The following FAM76B variants were observed in gnomAD, a reference collection of about 807,000 sequenced individuals.
The protein encoded by FAM76B is protein FAM76B.
In FAM76B, 16 loss-of-function variants were observed where a neutral mutation model predicts 51.8. The ratio of observed to expected loss-of-function variants is 0.31; its 90% CI spans 0.21 to 0.47. The LOEUF (loss-of-function observed/expected upper bound fraction) is 0.47, where lower values mean the gene tolerates loss of function less well. Among genes scored for constraint, FAM76B ranks in the 20% least tolerant of loss-of-function variants. FAM76B has a pLI of 1.00. For synonymous variants in FAM76B, 166 were observed against 129.5 expected, an observed-to-expected ratio of 1.28 and a Z score of -1.91; for missense variants, 342 against 392.6, an observed-to-expected ratio of 0.87 and a Z score of 1.09.
rs1469154848 is a variant in FAM76B at position 95,771,485 on chromosome 11, C to G, written c.*76G>C. ...TGTGCAAAAATATTTTTCTACTACACAGAATTTAAGGGCTTCACAGAATTT... is the reference window on the plus strand; with the variant it reads ...TGTGCAAAAATATTTTTCTACTACAGAGAATTTAAGGGCTTCACAGAATTT... On this transcript the variant is annotated 3_prime_UTR_variant, in exon 10 of 10. Transcript: ENST00000358780. The G allele has an allele frequency of 9.4e-6, 11 of 1,176,230 alleles. No individual in the cohort carries two copies. Among genetic ancestry groups the G allele is most frequent in the African/African-American group, 3.1e-5 (2 of 64,552 alleles). 72.9% of individuals were successfully genotyped at this position (1,176,230 alleles called of 1,614,324 possible). A position where few individuals can be genotyped will look rare whatever the true frequency, so the allele number is the denominator to read the frequency against.
At chr11:95,787,738 T>C (rs1860680147) in intron 2 of FAM76B, 60 bp from the exon 3 acceptor site, 4 of 1,373,542 alleles carry the variant, frequency 2.9e-6, no homozygotes, top group East Asian at 2.4e-5. Flanking sequence ...ATTAGCACAA[T>C]GTCAAAATAA....
intron 5 of FAM76B, among the ~76,000 whole-genome samples, chr11:95,780,739 A>C (rs1860223258): frequency 6.6e-6 from 1 of 151,992 alleles, no homozygotes; most frequent in Non-Finnish European, 1.5e-5. Flanking sequence ...CTGAGCTGTG[A>C]CCTTATGCAA....
chr11:95,777,833 C>T (rs749273913), intron 8 of FAM76B, among the ~76,000 whole-genome samples: 4 of 151,220 alleles, frequency 2.6e-5, no homozygotes, highest in Admixed American at 6.6e-5. Context: ...CATATTAAGG[C>T]CTTATTCTTT....
In FAM76B at chr11:95,769,860, A is replaced by G. The variant is rs974803946; in HGVS notation, c.*1701T>C. The G allele has an allele frequency of 2.0e-5, 3 of 151,512 alleles. No homozygotes were observed. The highest frequency in any genetic ancestry group is 7.3e-5 in the African/African-American group (3 of 41,374). 9.4% of individuals were successfully genotyped at this position (151,512 alleles called of 1,614,324 possible). The stretch of plus-strand genomic sequence containing the variant: ...AATCTTTTTGTATCACTTGAAAATT[A>G]CCCTATATTATGCTTTCAAAATGGA... On this transcript the variant is annotated 3_prime_UTR_variant, in exon 10 of 10. Transcript: ENST00000358780.
intron 9 of FAM76B, 110 bp from the exon 10 acceptor site, chr11:95,771,760 A>C (rs1216652012): frequency 3.8e-6 from 3 of 789,138 alleles, no homozygotes; most frequent in Non-Finnish European, 5.9e-6. Flanking sequence ...TGTTTCACTA[A>C]AGCACTAACA....
At chr11:95,779,791 G>T in intron 6 of FAM76B, 88 bp downstream of exon 6, 1 of 1,549,260 alleles carries the variant, frequency 6.5e-7, no homozygotes, top group Non-Finnish European at 8.8e-7. Context: ...TACTGATTTT[G>T]GTAAGACTTA....
chr11:95,789,442 T>C lies in FAM76B; in HGVS notation c.37A>G (p.Thr13Ala). The change falls in exon 1 of 10, where the codon ACC becomes GCC. Residue 13 changes from threonine (T) to alanine (A), a missense_variant. Around this residue, in one of 3 missense-constraint regions of FAM76B, gnomAD observed 96 missense variants for 94.7 expected, o/e 1.01. Transcript: ENST00000358780. The part of the protein sequence containing the change: ...ASALYACTKC[T>A]QRYPFEELSQ... Reference sequence around the variant, plus strand: ...AGCTCCTCGAAAGGATAACGCTGGGTACACTTGGTGCAGGCGTACAGGGCC... The same window carrying C: ...AGCTCCTCGAAAGGATAACGCTGGGCACACTTGGTGCAGGCGTACAGGGCC... The C allele has an allele frequency of 6.2e-7, 1 of 1,609,680 alleles. No individual in the cohort carries two copies. Among genetic ancestry groups the C allele is most frequent in the Non-Finnish European group, 8.5e-7 (1 of 1,178,238 alleles).
intron 2 of FAM76B, 108 bp downstream of exon 2, chr11:95,788,391 A>C: frequency 1.1e-6 from 1 of 943,908 alleles, no homozygotes. Context: ...TTCTGGGGCT[A>C]AACCATTTTT....
chr11:95,781,798 T>C (rs2120251245), intron 5 of FAM76B, among the ~76,000 whole-genome samples: 1 of 152,250 alleles, frequency 6.6e-6, no homozygotes, highest in South Asian at 2.1e-4. Context: ...CACTGCATTG[T>C]AGTCTACCAC....
intron 3 of FAM76B, chr11:95,786,610 G>T: frequency 5.7e-6 from 1 of 175,066 alleles, no homozygotes; most frequent in Non-Finnish European, 1.2e-5. Flanking sequence ...CATGAATCAA[G>T]AATTTGAGGA....
Position 95,786,269 on chromosome 11 carries a change from C to T in FAM76B, c.213G>A (p.Lys71=), listed in dbSNP as rs1860579354. The T allele has an allele frequency of 3.1e-6, 5 of 1,613,726 alleles. No individual in the cohort carries two copies. The highest frequency in any genetic ancestry group is 1.3e-5 in the African/African-American group (1 of 75,012). ...CAATTATGTTACAGTACTGACAAGG[C>T]TTGGGCTGAAAAACATACACATTTT... is the stretch of plus-strand genomic sequence containing the variant. ...AQNVKQFGTP[K]PCQYCNIIAA... Residue 71 remains lysine, a synonymous_variant, in exon 4 of 10, where the codon AAG becomes AAA. Transcript: ENST00000358780.
chr11:95,787,600 C>T, intron 3 of FAM76B, 24 bp downstream of exon 3: 1 of 1,602,852 alleles, frequency 6.2e-7, no homozygotes, highest in Non-Finnish European at 8.5e-7. Flanking sequence ...GTAACAATGA[C>T]ATGAAAACAT....
At chr11:95,779,820 A>G (rs889904201) in intron 6 of FAM76B, 59 bp downstream of exon 6, 2 of 1,564,516 alleles carry the variant, frequency 1.3e-6, no homozygotes, top group Non-Finnish European at 1.7e-6. Context: ...AGTTGAAGGG[A>G]TATCACATTT....
In FAM76B at chr11:95,770,128, T is replaced by A. The variant is rs945247285; in HGVS notation, c.*1433A>T. 6.6e-6 allele frequency: 1 copy of A among 151,550 alleles called. No homozygotes were observed. Among genetic ancestry groups the A allele is most frequent in the Non-Finnish European group, 1.5e-5 (1 of 67,594 alleles). 9.4% of individuals were successfully genotyped at this position (151,550 alleles called of 1,614,324 possible). On this transcript the variant is annotated 3_prime_UTR_variant, in exon 10 of 10. Coordinates refer to ENST00000358780, the MANE Select transcript of FAM76B (RefSeq NM_144664.5). ...AAGAGAAGCAACTCACTCTATACAG[T>A]GTATCTAGCAATACTTTAAAATCAA...
intron 9 of FAM76B, among the ~76,000 whole-genome samples, chr11:95,775,159 G>A (rs1311131343): frequency 1.3e-5 from 2 of 151,438 alleles, no homozygotes; most frequent in Non-Finnish European, 3.0e-5. Context: ...TTTTACAAAT[G>A]TGAGACTGTA....
intron 3 of FAM76B, 31 bp downstream of exon 3, chr11:95,787,593 A>G: frequency 6.3e-7 from 1 of 1,597,782 alleles, no homozygotes; most frequent in Non-Finnish European, 8.6e-7. Flanking sequence ...TTAACTGGTA[A>G]CAATGACATG....
In FAM76B at chr11:95,788,593, C is replaced by T. The variant is rs767336191; in HGVS notation, c.88-30G>A. 17 of 1,588,498 alleles carry T rather than the reference C, an allele frequency of 1.1e-5. No homozygotes were observed. In the Middle Eastern group the frequency reaches 1.2e-3, roughly 108 times the overall value. Reference sequence around the variant, plus strand: ...AATAAGACAATACATTAGTCAGTATCTTTCTGAAAGTCCCAAATCTCACTT... The same window carrying T: ...AATAAGACAATACATTAGTCAGTATTTTTCTGAAAGTCCCAAATCTCACTT... On this transcript the variant is annotated intron_variant, in intron 1 of 9. Transcript: ENST00000358780.
chr11:95,775,762 A>G (rs1859976179), intron 9 of FAM76B, 160 bp downstream of exon 9: 1 of 426,450 alleles, frequency 2.3e-6, no homozygotes, highest in Non-Finnish European at 4.1e-6. Context: ...AATAACTTCT[A>G]ATGAGATCAA....
Position 95,771,534 on chromosome 11 carries a change from A to G in FAM76B, c.*27T>C. 1 of 1,575,078 alleles carries G rather than the reference A, an allele frequency of 6.3e-7. No homozygotes were observed. The highest frequency in any genetic ancestry group is 8.7e-7 in the Non-Finnish European group (1 of 1,151,040). ...TTTTTTTCCCCAAATTTACATTGTA[A>G]GAAGAAATGCTAAACAAATGACTTT... is the stretch of plus-strand genomic sequence containing the variant. On this transcript the variant is annotated 3_prime_UTR_variant, in exon 10 of 10. Coordinates refer to ENST00000358780, the MANE Select transcript of FAM76B (RefSeq NM_144664.5).
Sources: gnomAD v4.1 joint callset for allele counts (sites outside exome capture counted in the v4.1 genomes callset) on GRCh38, gnomAD v4.1.1 for gene constraint, gnomAD v4.1.1 regional missense constraint, MANE v1.5 for transcripts, NCBI Gene and HGNC (gene_info 2026-07-23, HGNC 2026-07-21) for gene names.